Variants in PLEKHA5 observed in about 807,000 individuals in gnomAD.
PLEKHA5 encodes the protein pleckstrin homology domain containing A5, also known as pleckstrin homology domain-containing family A member 5.
A neutral mutation model predicts 181.9 loss-of-function variants in PLEKHA5; 55 were observed. That is an observed-to-expected ratio of 0.30 (90% CI 0.24 to 0.38). The LOEUF is 0.38. Among genes scored for constraint, PLEKHA5 ranks in the 10% least tolerant of loss-of-function variants. The pLI is 1.00. For missense variants in PLEKHA5, 1,432 were observed against 1,549.5 expected (o/e 0.92, Z 1.27); for synonymous variants, 535 against 529.4 (o/e 1.01, Z -0.15).
At chr12:19,265,088 A>G (rs1011478474) in intron 7 of PLEKHA5, among the ~76,000 whole-genome samples, 9 of 152,208 alleles carry the variant, frequency 5.9e-5, no homozygotes, top group Non-Finnish European at 1.3e-4. Flanking sequence ...TAAAAAGCAG[A>G]CCTTCAAAGT....
intron 3 of PLEKHA5, among the ~76,000 whole-genome samples, chr12:19,241,843 C>T (rs376782238): frequency 6.6e-6 from 1 of 151,758 alleles, no homozygotes; most frequent in Non-Finnish European, 1.5e-5. Flanking sequence ...GAACCATATG[C>T]GCCTGCACAG....
intron 20 of PLEKHA5, among the ~76,000 whole-genome samples, chr12:19,327,644 CTTTTTTT>C (rs1038779087): frequency 1.9e-4 from 8 of 41,596 alleles, no homozygotes; most frequent in Non-Finnish European, 5.4e-4. Context: ...TTTCTTTTTT[CTTTTTTT>C]TTTTTTTTTC....
intron 3 of PLEKHA5, among the ~76,000 whole-genome samples, chr12:19,231,410 T>C (rs1216108479): frequency 1.3e-5 from 2 of 151,746 alleles, no homozygotes; most frequent in East Asian, 1.9e-4. Context: ...CAAACTACCA[T>C]TCACAAGTGT....
In PLEKHA5 at chr12:19,269,765, A is replaced by C; in HGVS notation, c.712-5A>C. On this transcript the variant is annotated splice_region_variant and splice_polypyrimidine_tract_variant and intron_variant, in intron 8 of 31. Coordinates refer to ENST00000429027, the MANE Select transcript of PLEKHA5 (RefSeq NM_001256470.2). ...ATTTAAAATGATCGTGTCATTTTCA[A>C]TCAGGCAGCCCATCCAAACATGCGG... 6.8e-7 allele frequency: 1 copy of C among 1,474,306 alleles called. No individual in the cohort carries two copies. The highest frequency in any genetic ancestry group is 1.2e-5 in the South Asian group (1 of 84,096). 91.3% of individuals were successfully genotyped at this position (1,474,306 alleles called of 1,614,324 possible).
chr12:19,152,631 C>T (rs1212505464), intron 3 of PLEKHA5: 13 of 152,096 alleles, frequency 8.5e-5, no homozygotes, highest in Non-Finnish European at 8.8e-5. Context: ...TAATTAAAAT[C>T]TTTGAGTATG....
intron 15 of PLEKHA5, among the ~76,000 whole-genome samples, chr12:19,302,916 T>A: frequency 8.7e-6 from 1 of 114,732 alleles, no homozygotes; most frequent in East Asian, 2.6e-4. Context: ...ATTTTTTTTT[T>A]TTTTTTTTTT....
chr12:19,302,270 G>T (rs2081705331), intron 15 of PLEKHA5, among the ~76,000 whole-genome samples: 2 of 152,162 alleles, frequency 1.3e-5, no homozygotes, highest in Non-Finnish European at 2.9e-5. Context: ...AAGGACAGAA[G>T]CTCTGCTCTG....
intron 3 of PLEKHA5, among the ~76,000 whole-genome samples, chr12:19,138,209 A>G (rs1318987324): frequency 1.3e-5 from 2 of 152,164 alleles, no homozygotes; most frequent in African/African-American, 4.8e-5. Context: ...TTTAAATAAC[A>G]GATAAATATA....
intron 15 of PLEKHA5, among the ~76,000 whole-genome samples, chr12:19,314,117 AT>A (rs1197655509): frequency 6.6e-6 from 1 of 152,182 alleles, no homozygotes; most frequent in African/African-American, 2.4e-5. Flanking sequence ...GCTAAAACAA[AT>A]ATTTTTCTAG....
chr12:19,211,840 G>C (rs2056962055), intron 3 of PLEKHA5, among the ~76,000 whole-genome samples: 1 of 152,142 alleles, frequency 6.6e-6, no homozygotes, highest in Admixed American at 6.6e-5. Context: ...TTGTTTTAAA[G>C]TTACTTACCT....
intron 20 of PLEKHA5, among the ~76,000 whole-genome samples, chr12:19,327,048 G>A (rs1356353027): frequency 1.3e-5 from 2 of 152,134 alleles, no homozygotes; most frequent in Non-Finnish European, 2.9e-5. Flanking sequence ...TGTATGTTTG[G>A]TAGAAAGATT....
intron 3 of PLEKHA5, among the ~76,000 whole-genome samples, chr12:19,213,711 T>C (rs2057408639): frequency 6.6e-6 from 1 of 152,072 alleles, no homozygotes; most frequent in Non-Finnish European, 1.5e-5. Context: ...GCAGTGGAAA[T>C]AGAGATAGAT....
chr12:19,270,662 G>A (rs1007927930), intron 10 of PLEKHA5, among the ~76,000 whole-genome samples: 1 of 152,126 alleles, frequency 6.6e-6, no homozygotes, highest in African/African-American at 2.4e-5. Context: ...ATAAATACAA[G>A]TAGTATAATG....
intron 20 of PLEKHA5, among the ~76,000 whole-genome samples, chr12:19,323,532 G>A (rs1415905574): frequency 6.6e-6 from 1 of 151,678 alleles, no homozygotes. Context: ...AATATAAATA[G>A]CAAGGCTGGG....
At chr12:19,224,035 G>A (rs917426708) in intron 3 of PLEKHA5, among the ~76,000 whole-genome samples, 2 of 152,160 alleles carry the variant, frequency 1.3e-5, no homozygotes, top group African/African-American at 2.4e-5. Flanking sequence ...TAGTGCCTGT[G>A]TGATTGTTGT....
At chr12:19,210,817 G>A (rs956512245) in intron 3 of PLEKHA5, among the ~76,000 whole-genome samples, 4 of 152,094 alleles carry the variant, frequency 2.6e-5, no homozygotes, top group Non-Finnish European at 5.9e-5. Context: ...GTGAATGTTG[G>A]GAGACTTAAT....
At chr12:19,194,786 G>A (rs1031348811) in intron 3 of PLEKHA5, among the ~76,000 whole-genome samples, 2 of 152,110 alleles carry the variant, frequency 1.3e-5, no homozygotes, top group Non-Finnish European at 2.9e-5. Context: ...GCTGGAATTG[G>A]AAATCTCAGA....
rs151139874 is a variant in PLEKHA5, at chr12:19,324,235, T to C, written c.2448+1568T>C. On this transcript the variant is annotated intron_variant, in intron 20 of 31. Transcript: ENST00000429027. ...ACCCTGAATTCCAAACGTGAGCCAT[T>C]TTTAAAGGAATATACCATGATTTTA... Among the ~76,000 whole-genome samples the C allele has an allele frequency of 3.1e-3, 476 of 152,252 alleles. 2 individuals carry two copies. Among genetic ancestry groups the C allele is most frequent in the African/African-American group, 0.011 (449 of 41,552 alleles).
At chr12:19,364,154 T>G (rs2095348978) in intron 29 of PLEKHA5, among the ~76,000 whole-genome samples, 1 of 152,108 alleles carries the variant, frequency 6.6e-6, no homozygotes, top group Non-Finnish European at 1.5e-5. Flanking sequence ...TTTCCCAAAT[T>G]GTAACCAAAT....
Sources: gnomAD v4.1 joint callset for allele counts (sites outside exome capture counted in the v4.1 genomes callset) on GRCh38, gnomAD v4.1.1 for gene constraint, MANE v1.5 for transcripts, NCBI Gene and HGNC (gene_info 2026-07-23, HGNC 2026-07-21) for gene names.